NPTX2: variants seen among roughly 807,000 people sequenced by gnomAD.
NPTX2 encodes the protein neuronal pentraxin-2.
A neutral mutation model predicts 38.1 loss-of-function variants in NPTX2; 23 were observed. That is an observed-to-expected ratio of 0.60 (90% CI 0.43 to 0.85). The LOEUF (loss-of-function observed/expected upper bound fraction) is 0.85. Among genes scored for constraint, NPTX2 ranks in the 40% least tolerant of loss-of-function variants. NPTX2 has a pLI of 0.00. For missense variants in NPTX2, 553 were observed against 615.3 expected (o/e 0.90, Z 1.07); for synonymous variants, 291 against 287.3 (o/e 1.01, Z -0.13).
rs796505987 is a variant in NPTX2, at chr7:98,629,605, CAG to C, written c.*980_*981del. 9.8e-5 allele frequency: 15 copies of C among 152,654 alleles called. No homozygotes were observed. Among genetic ancestry groups the C allele is most frequent in the African/African-American group, 3.4e-4 (14 of 41,552 alleles). 9.5% of individuals were successfully genotyped at this position (152,654 alleles called of 1,614,324 possible). A position where few individuals can be genotyped will look rare whatever the true frequency, so the allele number is the denominator to read the frequency against. The stretch of plus-strand genomic sequence containing the variant: ...TTCCCTACAGAACTCCTCAAGAAAA[CAG>C]AGATCATTTGGCTAGAGATTGTCTG... On this transcript the variant is annotated 3_prime_UTR_variant, in exon 5 of 5. Transcript: ENST00000265634.
intron 2 of NPTX2, among the ~76,000 whole-genome samples, chr7:98,624,695 T>G (rs1428695970): frequency 6.6e-6 from 1 of 152,174 alleles, no homozygotes; most frequent in Non-Finnish European, 1.5e-5. Flanking sequence ...CCTGCCTGAA[T>G]GTAAGCTCCC....
At position 98,624,499 on chromosome 7, in the gene NPTX2, C is replaced by A. The variant is rs1004484728; in HGVS notation, c.644-423C>A. Among the ~76,000 whole-genome samples the A allele has an allele frequency of 2.0e-5, 3 of 152,150 alleles. No individual in the cohort carries two copies. In the East Asian group the frequency reaches 5.8e-4, roughly 29 times the overall value. On this transcript the variant is annotated intron_variant, in intron 2 of 4. Transcript: ENST00000265634. ...GCAGTGCCCACAAAATCTTCCTTTT[C>A]TTTCCTTTTCTGGGCGTCCTTGGGG...
At position 98,617,307 on chromosome 7, in the gene NPTX2, G is replaced by C; in HGVS notation, c.-155G>C. The C allele has an allele frequency of 3.6e-6, 1 of 281,422 alleles. No individual in the cohort carries two copies. Among genetic ancestry groups the C allele is most frequent in the East Asian group, 6.5e-5 (1 of 15,356 alleles). 17.4% of individuals were successfully genotyped at this position (281,422 alleles called of 1,614,324 possible). On this transcript the variant is annotated 5_prime_UTR_variant, in exon 1 of 5. Coordinates refer to ENST00000265634, the MANE Select transcript of NPTX2 (RefSeq NM_002523.3). ...GCCAGAGTGCCGAGCAGCGCGGTGGGTGCGGCTGTGAGACGGCAGGAGACT... is the reference window on the plus strand; with the variant it reads ...GCCAGAGTGCCGAGCAGCGCGGTGGCTGCGGCTGTGAGACGGCAGGAGACT...
intron 2 of NPTX2, among the ~76,000 whole-genome samples, chr7:98,624,708 A>C (rs536215019): frequency 7.2e-5 from 11 of 152,126 alleles, no homozygotes; most frequent in Non-Finnish European, 1.6e-4. Context: ...AAGCTCCCTA[A>C]GGACAAGGAC....
chr7:98,621,093 C>T (rs984912620), intron 2 of NPTX2, among the ~76,000 whole-genome samples: 7 of 152,176 alleles, frequency 4.6e-5, no homozygotes, highest in Non-Finnish European at 7.3e-5. Context: ...ACAGTCACAT[C>T]AACCTGCACC....
intron 3 of NPTX2, among the ~76,000 whole-genome samples, chr7:98,626,332 G>A (rs1260021845): frequency 1.3e-5 from 2 of 151,630 alleles, no homozygotes; most frequent in Non-Finnish European, 2.9e-5. Flanking sequence ...CCTGGTGGAG[G>A]CGGGGGCAGT....
chr7:98,624,713 A>G (rs762657022), intron 2 of NPTX2, among the ~76,000 whole-genome samples: 2 of 152,122 alleles, frequency 1.3e-5, no homozygotes, highest in African/African-American at 2.4e-5. Flanking sequence ...CCCTAAGGAC[A>G]AGGACTCCAT....
chr7:98,626,131 A>G (rs1367526650), intron 3 of NPTX2, among the ~76,000 whole-genome samples: 1 of 138,694 alleles, frequency 7.2e-6, no homozygotes. Flanking sequence ...TGGGTGACAG[A>G]GCGATACCCT....
intron 3 of NPTX2, 133 bp downstream of exon 3, chr7:98,625,299 C>A: frequency 1.6e-6 from 2 of 1,255,870 alleles, no homozygotes; most frequent in Non-Finnish European, 2.2e-6. Context: ...GCGGGGCTGT[C>A]CTCCTCGAGG....
chr7:98,627,532 G>A (rs2115634941), intron 4 of NPTX2, among the ~76,000 whole-genome samples, 188 bp downstream of exon 4: 2 of 152,336 alleles, frequency 1.3e-5, no homozygotes, highest in Middle Eastern at 6.8e-3. Flanking sequence ...TGACAGCCAG[G>A]TCGGGGGAGT....
chr7:98,620,129 C>G (rs1298907576), intron 2 of NPTX2: 1 of 501,428 alleles, frequency 2.0e-6, no homozygotes, highest in Non-Finnish European at 3.6e-6. Context: ...GTTAACTAGT[C>G]CTGGCAGCGG....
At chr7:98,627,104 C>A (rs572506613) in intron 3 of NPTX2, 61 bp from the exon 4 acceptor site, 208 of 1,221,052 alleles carry the variant, frequency 1.7e-4, no homozygotes, top group Admixed American at 6.2e-4. Context: ...CTGCTTCCTG[C>A]CCTGGGGGAC....
intron 1 of NPTX2, 35 bp from the exon 2 acceptor site, chr7:98,619,604 CTCTT>C: frequency 6.5e-7 from 1 of 1,549,800 alleles, no homozygotes; most frequent in Non-Finnish European, 8.9e-7. Flanking sequence ...TTCTTTTTAA[CTCTT>C]TCTGTGCCCC....
Position 98,624,817 on chromosome 7 carries a change from G to GGGTCTAGCAAGGC in NPTX2, c.644-105_644-104insGGTCTAGCAAGGC, listed in dbSNP as rs1284142019. ...TTGCTGGAGGGTCCATCAAGGCTGT[G>GGGTCTAGCAAGGC]TGAGGGACCTTCTTGTGGGTCTAGC... On this transcript the variant is annotated intron_variant, in intron 2 of 4. Coordinates refer to ENST00000265634, the MANE Select transcript of NPTX2 (RefSeq NM_002523.3). 90 of 1,419,004 alleles carry GGGTCTAGCAAGGC rather than the reference G, an allele frequency of 6.3e-5. 1 individual carries two copies. The highest frequency in any genetic ancestry group is 5.5e-4 in the Middle Eastern group (3 of 5,448). 87.9% of individuals were successfully genotyped at this position (1,419,004 alleles called of 1,614,324 possible). A position where few individuals can be genotyped will look rare whatever the true frequency, so the allele number is the denominator to read the frequency against.
chr7:98,628,151 G>C (rs1791384295), intron 4 of NPTX2, among the ~76,000 whole-genome samples: 1 of 152,154 alleles, frequency 6.6e-6, no homozygotes, highest in African/African-American at 2.4e-5. Flanking sequence ...ACCTGGCTCT[G>C]ATCCTGGCTT....
At chr7:98,627,110 G>A (rs1791363011) in intron 3 of NPTX2, 55 bp from the exon 4 acceptor site, 1 of 1,300,434 alleles carries the variant, frequency 7.7e-7, no homozygotes, top group Non-Finnish European at 1.1e-6. Flanking sequence ...CCTGCCCTGG[G>A]GGACCCTGAG....
At chr7:98,623,328 T>C (rs1303655046) in intron 2 of NPTX2, among the ~76,000 whole-genome samples, 2 of 152,248 alleles carry the variant, frequency 1.3e-5, no homozygotes, top group Non-Finnish European at 2.9e-5. Flanking sequence ...GGACAAGGGC[T>C]GCCGCTGTGG....
In NPTX2 at chr7:98,617,772, G is replaced by A. The variant is rs1190437614; in HGVS notation, c.311G>A (p.Gly104Asp). 5 of 1,445,136 alleles carry A rather than the reference G, an allele frequency of 3.5e-6. No individual in the cohort carries two copies. In the East Asian group the frequency reaches 1.4e-4, roughly 41 times the overall value. 89.5% of individuals were successfully genotyped at this position (1,445,136 alleles called of 1,614,324 possible). The change falls in exon 1 of 5, where the codon GGC becomes GAC. Residue 104 changes from glycine to aspartate, a missense_variant. Gly to Asp is a moderately conservative substitution (Grantham distance 94). Coordinates refer to ENST00000265634, the MANE Select transcript of NPTX2 (RefSeq NM_002523.3). ...CEGLAGGKAR[G>D]AGATGKDTMG... ...GGGCTGGCGGGCGGCAAGGCGCGCG[G>A]CGCGGGGGCCACGGGCAAGGACACT... is the stretch of plus-strand genomic sequence containing the variant.
intron 3 of NPTX2, among the ~76,000 whole-genome samples, chr7:98,626,603 G>GC (rs1776548118): frequency 6.6e-6 from 1 of 152,182 alleles, no homozygotes; most frequent in Non-Finnish European, 1.5e-5. Flanking sequence ...CAGCAACAAC[G>GC]CGGTGGTTCA....
Sources: gnomAD v4.1 joint callset for allele counts (sites outside exome capture counted in the v4.1 genomes callset) on GRCh38, gnomAD v4.1.1 for gene constraint, MANE v1.5 for transcripts, NCBI Gene and HGNC (gene_info 2026-07-23, HGNC 2026-07-21) for gene names.